The following ZZZ3 variants were observed in gnomAD, a reference collection of about 807,000 sequenced individuals.
ZZZ3 encodes the protein ZZ-type zinc finger-containing protein 3.
ZZZ3 carries 22 observed loss-of-function variants against 95.2 expected under a neutral mutation model. That is an observed-to-expected ratio of 0.23 (90% confidence interval 0.17 to 0.33). The LOEUF (loss-of-function observed/expected upper bound fraction) is 0.33. ZZZ3 is among the 10% of genes least tolerant of loss of function. The pLI is 1.00. For missense variants in ZZZ3, 885 were observed against 1,066.5 expected (o/e 0.83, Z 2.37); for synonymous variants, 335 against 358.9 (o/e 0.93, Z 0.75).
intron 4 of ZZZ3, among the ~76,000 whole-genome samples, chr1:77,639,100 T>C (rs553890482): frequency 6.6e-6 from 1 of 150,796 alleles, no homozygotes; most frequent in Non-Finnish European, 1.5e-5. Flanking sequence ...GGCAGGCAGA[T>C]AAGCGGACAG....
intron 5 of ZZZ3, among the ~76,000 whole-genome samples, chr1:77,590,013 A>G (rs1201225372): frequency 2.6e-5 from 4 of 152,222 alleles, no homozygotes; most frequent in African/African-American, 4.8e-5. Context: ...TTAAAAATCC[A>G]TATCAAGGAC....
rs936655385 is a variant in ZZZ3 at position 77,641,438 on chromosome 1, C to A, written c.-260G>T. On this transcript the variant is annotated 5_prime_UTR_variant, in exon 3 of 15. Transcript: ENST00000370801. Reference sequence around the variant, plus strand: ...AGGATCCTGCAGTGTTTCTTAAAAGCCTGATACACTGAAAAAGAAACTTCA... The same window carrying A: ...AGGATCCTGCAGTGTTTCTTAAAAGACTGATACACTGAAAAAGAAACTTCA... 7 of 396,252 alleles carry A rather than the reference C, an allele frequency of 1.8e-5. No individual in the cohort carries two copies. Among genetic ancestry groups the A allele is most frequent in the Non-Finnish European group, 2.7e-5 (6 of 224,644 alleles). The allele number at this position is 396,252 out of a possible 1,614,324, so 24.5% of individuals were successfully genotyped here.
intron 1 of ZZZ3, among the ~76,000 whole-genome samples, chr1:77,675,758 G>A (rs1355153816): frequency 6.6e-6 from 1 of 152,016 alleles, no homozygotes; most frequent in African/African-American, 2.4e-5. Flanking sequence ...ATTTCAAAAT[G>A]TAAACAAACA....
At chr1:77,639,901 A>ATT (rs5775411) in intron 3 of ZZZ3, among the ~76,000 whole-genome samples, 1 of 140,992 alleles carries the variant, frequency 7.1e-6, no homozygotes, top group East Asian at 2.0e-4. Context: ...CTAAGGGAGT[A>ATT]TTTTTTTTTT....
intron 5 of ZZZ3, among the ~76,000 whole-genome samples, chr1:77,617,712 G>A (rs908632835): frequency 1.3e-5 from 2 of 151,600 alleles, no homozygotes; most frequent in Admixed American, 1.3e-4. Flanking sequence ...GCCCAGGTGG[G>A]TGAATCATTT....
intron 5 of ZZZ3, among the ~76,000 whole-genome samples, chr1:77,602,602 ATTTTT>A (rs33915566): frequency 8.5e-6 from 1 of 117,964 alleles, no homozygotes; most frequent in Non-Finnish European, 1.7e-5. Context: ...ATTTTTACTG[ATTTTT>A]TTTTTTTTTT....
chr1:77,640,164 T>A (rs1214293442), intron 3 of ZZZ3, among the ~76,000 whole-genome samples: 2 of 152,212 alleles, frequency 1.3e-5, no homozygotes, highest in African/African-American at 2.4e-5. Flanking sequence ...GCATATGTAT[T>A]TTTAACAAGA....
At chr1:77,647,300 CTT>C (rs1669371174) in intron 1 of ZZZ3, among the ~76,000 whole-genome samples, 1 of 152,164 alleles carries the variant, frequency 6.6e-6, no homozygotes, top group African/African-American at 2.4e-5. Flanking sequence ...AGGCAGATCA[CTT>C]GAGGCCAGGG....
Position 77,632,375 on chromosome 1 carries a change from G to C in ZZZ3, c.980C>G (p.Ser327Ter). ...EVDVVGDSSA[S>*]KEQCKENTNN... ...GGTGTTTTCTTTACACTGCTCTTTTGAGGCACTGCTATCTCCCACCACATC... is the reference window on the plus strand; with the variant it reads ...GGTGTTTTCTTTACACTGCTCTTTTCAGGCACTGCTATCTCCCACCACATC... The change falls in exon 5 of 15, where the codon TCA (serine) becomes TGA (stop). Residue 327 changes from serine (S) to a stop codon, truncating the protein, a stop_gained. Transcript: ENST00000370801. LOFTEE classifies it high-confidence loss of function. 6.2e-7 allele frequency: 1 copy of C among 1,614,128 alleles called. No individual in the cohort carries two copies. The highest frequency in any genetic ancestry group is 8.5e-7 in the Non-Finnish European group (1 of 1,180,010).
chr1:77,619,768 A>G (rs1202711029), intron 5 of ZZZ3, among the ~76,000 whole-genome samples: 2 of 152,178 alleles, frequency 1.3e-5, no homozygotes, highest in Non-Finnish European at 2.9e-5. Context: ...ATGTCTCCAC[A>G]TAGCTGAGTT....
At position 77,632,134 on chromosome 1, in the gene ZZZ3, C is replaced by G. The variant is rs140269370; in HGVS notation, c.1221G>C (p.Glu407Asp). 9 of 1,614,092 alleles carry G rather than the reference C, an allele frequency of 5.6e-6. No homozygotes were observed. In the East Asian group the frequency reaches 2.0e-4, roughly 36 times the overall value. ...TTGTTTCATTAGGACTAAGATTATT[C>G]TCCTCAAATTGTCCATTTTCTCTGT... ...SPYRENGQFE[E>D]NNLSPNETNA... Residue 407 changes from glutamate (E) to aspartate (D), a missense_variant, in exon 5 of 15, where the codon GAG becomes GAC. Glu to Asp is a conservative substitution (Grantham distance 45, BLOSUM62 2). Coordinates refer to ENST00000370801, the MANE Select transcript of ZZZ3 (RefSeq NM_015534.6).
At chr1:77,643,393 A>C (rs1668961143) in intron 1 of ZZZ3, among the ~76,000 whole-genome samples, 1 of 152,230 alleles carries the variant, frequency 6.6e-6, no homozygotes, top group African/African-American at 2.4e-5. Context: ...GACAATACAC[A>C]GTAATTTTTT....
chr1:77,630,991 G>A (rs991752441), intron 5 of ZZZ3, among the ~76,000 whole-genome samples: 1 of 152,160 alleles, frequency 6.6e-6, no homozygotes, highest in South Asian at 2.1e-4. Flanking sequence ...TATTACATAA[G>A]TCTGTCTTTT....
At chr1:77,679,531 C>G (rs1672559810) in intron 1 of ZZZ3, among the ~76,000 whole-genome samples, 1 of 152,104 alleles carries the variant, frequency 6.6e-6, no homozygotes, top group South Asian at 2.1e-4. Context: ...AGCAATCCTC[C>G]CACCTCGGCC....
rs534153644 is a variant in ZZZ3, at chr1:77,671,360, T to TTGAAAGAAAA, written c.-403+11215_-403+11224dup. Among the ~76,000 whole-genome samples, 285 of 152,294 alleles carry TTGAAAGAAAA rather than the reference T, an allele frequency of 1.9e-3. 4 individuals are homozygous for TTGAAAGAAAA. Among genetic ancestry groups the TTGAAAGAAAA allele is most frequent in the African/African-American group, 6.6e-3 (273 of 41,554 alleles). Reference sequence around the variant, plus strand: ...CTGATTGTTCTGATGAATATGAGACTTGAAAGAAAATTCAAATGTCACTGT... The same window carrying TTGAAAGAAAA: ...CTGATTGTTCTGATGAATATGAGACTTGAAAGAAAATGAAAGAAAATTCAAATGTCACTGT... On this transcript the variant is annotated intron_variant, in intron 1 of 14. Coordinates refer to ENST00000370801, the MANE Select transcript of ZZZ3 (RefSeq NM_015534.6).
intron 5 of ZZZ3, among the ~76,000 whole-genome samples, chr1:77,618,330 T>C (rs1339020383): frequency 2.7e-5 from 4 of 145,532 alleles, no homozygotes; most frequent in Non-Finnish European, 4.5e-5. Context: ...AGCCAATCTA[T>C]TGGATAGTCA....
intron 5 of ZZZ3, among the ~76,000 whole-genome samples, chr1:77,588,111 G>A (rs1267277871): frequency 6.6e-6 from 1 of 152,142 alleles, no homozygotes; most frequent in Non-Finnish European, 1.5e-5. Context: ...GTTATACATG[G>A]ATTTTCAACT....
Position 77,604,591 on chromosome 1 carries a change from A to G in ZZZ3, c.1506-19936T>C, listed in dbSNP as rs140089490. ...AGAACAGGCAACTCAAGCATCCCCT[A>G]TGTTCTAAATCCATTCCCTTAGATC... On this transcript the variant is annotated intron_variant, in intron 5 of 14. Coordinates refer to ENST00000370801, the MANE Select transcript of ZZZ3 (RefSeq NM_015534.6). Among the ~76,000 whole-genome samples, 61 of 152,282 alleles carry G rather than the reference A, an allele frequency of 4.0e-4. No individual in the cohort carries two copies. The East Asian group carries it at 8.9e-3, about 22-fold the overall frequency.
At chr1:77,598,867 A>ACC (rs1159098198) in intron 5 of ZZZ3, among the ~76,000 whole-genome samples, 4 of 152,174 alleles carry the variant, frequency 2.6e-5, no homozygotes, top group African/African-American at 9.6e-5. Flanking sequence ...TAATCTTTAG[A>ACC]CCTACTGTAG....
Sources: gnomAD v4.1 joint callset for allele counts (sites outside exome capture counted in the v4.1 genomes callset) on GRCh38, gnomAD v4.1.1 for gene constraint, MANE v1.5 for transcripts, NCBI Gene and HGNC (gene_info 2026-07-23, HGNC 2026-07-21) for gene names.